The following ADD3 variants were observed in gnomAD, a reference collection of about 807,000 sequenced individuals.
ADD3 encodes adducin 3, also known as gamma-adducin.
In ADD3, 25 loss-of-function variants were observed where a neutral mutation model predicts 80.2. The observed-to-expected ratio is 0.31, with a 90% confidence interval of 0.23 to 0.44. ADD3 has a LOEUF of 0.44. Ranked by LOEUF, ADD3 falls within the 20% of genes least tolerant of loss-of-function variation. The pLI, the probability that ADD3 is intolerant of heterozygous loss-of-function variation, is 1.00. For synonymous variants in ADD3, 284 were observed against 289.6 expected (o/e 0.98, Z 0.20); for missense variants, 829 against 847.5 (o/e 0.98, Z 0.27).
At chr10:110,009,482 CTG>C (rs1198124788) in intron 1 of ADD3, among the ~76,000 whole-genome samples, 3 of 152,058 alleles carry the variant, frequency 2.0e-5, no homozygotes, top group South Asian at 4.1e-4. Context: ...AAATACTTGA[CTG>C]TTAAAAATAT....
chr10:110,073,138 CTTTTTTTT>C (rs1189793476), intron 1 of ADD3, among the ~76,000 whole-genome samples: 2 of 94,254 alleles, frequency 2.1e-5, no homozygotes, highest in African/African-American at 4.5e-5. Context: ...TTTTAGTTTT[CTTTTTTTT>C]TTTTTTTTTT....
intron 8 of ADD3, among the ~76,000 whole-genome samples, chr10:110,120,357 GAA>G (rs1205290848): frequency 6.7e-6 from 1 of 150,088 alleles, no homozygotes; most frequent in African/African-American, 2.5e-5. Context: ...AGTTTACTGA[GAA>G]TGATGATTTC....
chr10:110,031,577 G>A (rs1450959603), intron 1 of ADD3, among the ~76,000 whole-genome samples: 5 of 152,010 alleles, frequency 3.3e-5, no homozygotes, highest in Non-Finnish European at 7.4e-5. Context: ...TTAACATGAA[G>A]CGGAGTACTG....
chr10:110,023,549 G>T (rs1258202184), intron 1 of ADD3, among the ~76,000 whole-genome samples: 3 of 152,184 alleles, frequency 2.0e-5, no homozygotes, highest in African/African-American at 7.2e-5. Flanking sequence ...GTCACTGAGG[G>T]TCGAAATCTA....
Position 110,122,215 on chromosome 10 carries a change from G to T in ADD3, c.1066G>T (p.Val356Leu). ...TGTAGCAGCGTCTGGTGGAGGAGGTGTGAATATGGGTTCCCATCAAAAATG... is the reference window on the plus strand; with the variant it reads ...TGTAGCAGCGTCTGGTGGAGGAGGTTTGAATATGGGTTCCCATCAAAAATG... ...YTVAASGGGG[V>L]NMGSHQKWKV... Residue 356 changes from valine (V) to leucine (L), a missense_variant, in exon 9 of 15, where the codon GTG becomes TTG. By Grantham distance (32) the Val-to-Leu change is conservative. Transcript: ENST00000356080. 6.2e-7 allele frequency: 1 copy of T among 1,614,160 alleles called. No individual in the cohort carries two copies. Among genetic ancestry groups the T allele is most frequent in the Non-Finnish European group, 8.5e-7 (1 of 1,180,008 alleles).
intron 1 of ADD3, among the ~76,000 whole-genome samples, chr10:110,074,727 T>C (rs907924183): frequency 6.6e-6 from 1 of 152,224 alleles, no homozygotes; most frequent in African/African-American, 2.4e-5. Context: ...AATGACATTT[T>C]ACAAAATTTA....
intron 1 of ADD3, among the ~76,000 whole-genome samples, chr10:110,093,101 C>T (rs941358915): frequency 3.3e-5 from 5 of 152,142 alleles, no homozygotes; most frequent in Admixed American, 2.0e-4. Context: ...TCAAGTAATC[C>T]GCCCACCTTG....
At position 110,066,054 on chromosome 10, in the gene ADD3, C is replaced by T. The variant is rs571211628; in HGVS notation, c.-29-34571C>T. Among the ~76,000 whole-genome samples, 5 of 152,110 alleles carry T rather than the reference C, an allele frequency of 3.3e-5. No homozygotes were observed. The South Asian group carries it at 8.3e-4, about 25-fold the overall frequency. ...TAATTTTATCTTTAAGGGTTTTGAA[C>T]ACTTAATTTAAGGGTCTTGAAACAT... On this transcript the variant is annotated intron_variant, in intron 1 of 14. Coordinates refer to ENST00000356080, the MANE Select transcript of ADD3 (RefSeq NM_016824.5).
At chr10:110,049,835 C>T (rs970762147) in intron 1 of ADD3, among the ~76,000 whole-genome samples, 22 of 149,332 alleles carry the variant, frequency 1.5e-4, no homozygotes, top group African/African-American at 5.2e-4. Flanking sequence ...TGCAGTGAGC[C>T]GAGATCGCGC....
chr10:110,064,531 T>C (rs1390853373), intron 1 of ADD3, among the ~76,000 whole-genome samples: 1 of 152,232 alleles, frequency 6.6e-6, no homozygotes, highest in Non-Finnish European at 1.5e-5. Flanking sequence ...GGTTTTTGGA[T>C]GTGCTTTTGC....
chr10:110,117,344 A>G lies in ADD3; in HGVS notation c.489A>G (p.Val163=), dbSNP rs140299264. 10,606 of 1,568,454 alleles carry G rather than the reference A, an allele frequency of 6.8e-3. 46 individuals carry two copies. Among genetic ancestry groups the G allele is most frequent in the Non-Finnish European group, 8.0e-3 (9,194 of 1,144,330 alleles). The change falls in exon 5 of 15, where the codon GTA becomes GTG. Residue 163 remains valine (V), a splice_region_variant and synonymous_variant. Coordinates refer to ENST00000356080, the MANE Select transcript of ADD3 (RefSeq NM_016824.5). Reference sequence around the variant, plus strand: ...TTCCCTGTTGTTTTTTTTTCCAGGTAAGAATAAGTAAGGAGCAAGACCACA... The same window carrying G: ...TTCCCTGTTGTTTTTTTTTCCAGGTGAGAATAAGTAAGGAGCAAGACCACA... ...WAHLANTYIS[V]RISKEQDHII... is the part of the protein sequence containing the mutation.
intron 1 of ADD3, among the ~76,000 whole-genome samples, chr10:110,030,583 A>T (rs1854887201): frequency 6.6e-6 from 1 of 151,278 alleles, no homozygotes; most frequent in African/African-American, 2.4e-5. Flanking sequence ...ATTCTTTGGA[A>T]TGGGCCCAGG....
At chr10:110,108,791 C>T (rs943194753) in intron 2 of ADD3, among the ~76,000 whole-genome samples, 5 of 151,764 alleles carry the variant, frequency 3.3e-5, no homozygotes, top group Non-Finnish European at 5.9e-5. Flanking sequence ...AATATTAAAC[C>T]TTTTTTGCAC....
At chr10:110,115,217 C>T (rs983421877) in intron 3 of ADD3, among the ~76,000 whole-genome samples, 6 of 151,954 alleles carry the variant, frequency 3.9e-5, no homozygotes, top group African/African-American at 1.5e-4. Flanking sequence ...AGGAAAAAAC[C>T]TGTCTCTACT....
intron 1 of ADD3, among the ~76,000 whole-genome samples, chr10:110,023,355 GATCTTAGA>G (rs1168772938): frequency 5.3e-5 from 8 of 152,144 alleles, no homozygotes; most frequent in Admixed American, 2.0e-4. Context: ...CCAGTGTCTT[GATCTTAGA>G]CTTCCCAGGC....
chr10:110,036,597 CTACTGTCCTCATGA>C (rs1855691081), intron 1 of ADD3, among the ~76,000 whole-genome samples: 1 of 152,010 alleles, frequency 6.6e-6, no homozygotes, highest in Admixed American at 6.6e-5. Flanking sequence ...TGGTCTCTAT[CTACTGTCCTCATGA>C]TCCGCCCGCC....
intron 1 of ADD3, among the ~76,000 whole-genome samples, chr10:110,090,722 T>C (rs139470410): frequency 2.5e-4 from 38 of 152,340 alleles, no homozygotes; most frequent in African/African-American, 8.9e-4. Flanking sequence ...TGGCCTCCAA[T>C]TGACACATAT....
chr10:110,019,349 T>G (rs1172425241), intron 1 of ADD3, among the ~76,000 whole-genome samples: 1 of 150,512 alleles, frequency 6.6e-6, no homozygotes, highest in Non-Finnish European at 1.5e-5. Flanking sequence ...CAAGTAACTT[T>G]CTGTTTGCTT....
intron 1 of ADD3, among the ~76,000 whole-genome samples, chr10:110,063,440 G>A (rs1453968220): frequency 6.6e-6 from 1 of 151,814 alleles, no homozygotes; most frequent in African/African-American, 2.4e-5. Context: ...ATTTTGTATA[G>A]GAGTATATAT....
Sources: allele counts gnomAD v4.1 joint callset (sites outside exome capture counted in the v4.1 genomes callset), GRCh38; gene constraint gnomAD v4.1.1; transcripts MANE v1.5; gene names NCBI Gene and HGNC (gene_info 2026-07-23, HGNC 2026-07-21).